The following RNLS variants were observed in gnomAD, a reference collection of about 807,000 sequenced individuals.
RNLS encodes the protein renalase.
RNLS carries 39 observed loss-of-function variants against 39.8 expected under a neutral mutation model. That is an observed-to-expected ratio of 0.98 (90% CI 0.76 to 1.28). The LOEUF (loss-of-function observed/expected upper bound fraction) is 1.28. Among genes scored for constraint, RNLS ranks in the 50% most tolerant of loss-of-function variants. The pLI is 0.00. For synonymous variants in RNLS, 147 were observed against 150.7 expected, an observed-to-expected ratio of 0.98 and a Z score of 0.18; for missense variants, 410 against 413.3, an observed-to-expected ratio of 0.99 and a Z score of 0.07.
chr10:88,408,867 G>T (rs1447069053), intron 4 of RNLS, among the ~76,000 whole-genome samples: 1 of 151,934 alleles, frequency 6.6e-6, no homozygotes, highest in South Asian at 2.1e-4. Flanking sequence ...GGTAAAATAC[G>T]ATTATTAGCA....
At chr10:88,207,850 G>T in the RNLS span, among the ~76,000 whole-genome samples, 1 of 152,110 alleles carries the variant, frequency 6.6e-6, no homozygotes, top group Non-Finnish European at 1.5e-5. Flanking sequence ...AAATTCCTGT[G>T]CTGATCTAGA....
intron 5 of RNLS, among the ~76,000 whole-genome samples, chr10:88,315,271 G>A (rs1845674449): frequency 6.6e-6 from 1 of 152,056 alleles, no homozygotes; most frequent in Non-Finnish European, 1.5e-5. Context: ...ATTTTTGTTT[G>A]CCATTGATTT....
the RNLS span, among the ~76,000 whole-genome samples, chr10:88,224,261 G>T: frequency 1.1e-3 from 165 of 152,252 alleles, no homozygotes; most frequent in African/African-American, 3.9e-3. Context: ...GTGTTTTCTT[G>T]CAGAGTTCTC....
At chr10:88,292,403 T>C (rs369263056) in intron 6 of RNLS, among the ~76,000 whole-genome samples, 3 of 151,960 alleles carry the variant, frequency 2.0e-5, no homozygotes, top group African/African-American at 4.8e-5. Context: ...AAGGAAAGCA[T>C]GTTTGTAGAT....
chr10:88,414,695 T>C (rs1468661992), intron 4 of RNLS, among the ~76,000 whole-genome samples: 1 of 152,196 alleles, frequency 6.6e-6, no homozygotes, highest in Non-Finnish European at 1.5e-5. Context: ...GAGTTGGAAG[T>C]ATTGTTAGTA....
chr10:88,534,671 T>C (rs1012070115), intron 4 of RNLS, among the ~76,000 whole-genome samples: 1 of 152,150 alleles, frequency 6.6e-6, no homozygotes, highest in African/African-American at 2.4e-5. Context: ...GATAACAGTA[T>C]AGTTCCTGGA....
chr10:88,185,392 A>G, the RNLS span, among the ~76,000 whole-genome samples: 92 of 152,064 alleles, frequency 6.1e-4, no homozygotes, highest in African/African-American at 2.0e-3. Context: ...TGTCCCTTTA[A>G]TGGTCTTTTT....
chr10:88,316,961 A>C (rs887152078), intron 5 of RNLS, among the ~76,000 whole-genome samples: 14 of 152,282 alleles, frequency 9.2e-5, no homozygotes, highest in Admixed American at 3.3e-4. Flanking sequence ...AACGTGATCA[A>C]AGTTTGAAAA....
At chr10:88,572,785 G>T in intron 4 of RNLS, 118 bp downstream of exon 4, 1 of 1,037,544 alleles carries the variant, frequency 9.6e-7, no homozygotes, top group Non-Finnish European at 1.4e-6. Context: ...CAGTTTTTAA[G>T]ACAGGCAAAT....
At chr10:88,232,791 C>G in the RNLS span, among the ~76,000 whole-genome samples, 2 of 152,214 alleles carry the variant, frequency 1.3e-5, no homozygotes, top group Non-Finnish European at 2.9e-5. Flanking sequence ...TGACAGCCTT[C>G]TAGAGTCTCT....
intron 6 of RNLS, among the ~76,000 whole-genome samples, chr10:88,294,373 A>G (rs371469932): frequency 3.7e-4 from 57 of 152,322 alleles, no homozygotes; most frequent in African/African-American, 1.1e-3. Flanking sequence ...CTACAGTGGA[A>G]CAATACTATT....
chr10:88,207,770 C>T, the RNLS span, among the ~76,000 whole-genome samples: 21 of 152,110 alleles, frequency 1.4e-4, no homozygotes, highest in Non-Finnish European at 1.0e-4. Flanking sequence ...TTCTAGGATA[C>T]CTGTTTGCTT....
At chr10:88,377,777 T>C (rs1851133850) in intron 4 of RNLS, among the ~76,000 whole-genome samples, 1 of 152,188 alleles carries the variant, frequency 6.6e-6, no homozygotes, top group Non-Finnish European at 1.5e-5. Flanking sequence ...ATATACACTG[T>C]ACACATAGGC....
At chr10:88,443,449 G>A (rs1841842034) in intron 4 of RNLS, among the ~76,000 whole-genome samples, 1 of 152,328 alleles carries the variant, frequency 6.6e-6, no homozygotes, top group Admixed American at 6.5e-5. Flanking sequence ...ATCTCACTGG[G>A]CTTGTCGGAC....
chr10:88,272,052 T>G (rs1842663193), downstream of RNLS, among the ~76,000 whole-genome samples: 1 of 152,200 alleles, frequency 6.6e-6, no homozygotes, highest in Admixed American at 6.5e-5. Context: ...ATATTCCCAG[T>G]GAGTCAAATT....
chr10:88,278,889 T>C (rs1461788123), intron 6 of RNLS, among the ~76,000 whole-genome samples: 1 of 152,218 alleles, frequency 6.6e-6, no homozygotes, highest in African/African-American at 2.4e-5. Context: ...TGGTACTTAC[T>C]AATATTAGAA....
At chr10:88,407,612 ATACT>A (rs1266940640) in intron 4 of RNLS, among the ~76,000 whole-genome samples, 2 of 152,108 alleles carry the variant, frequency 1.3e-5, no homozygotes, top group Admixed American at 6.6e-5. Flanking sequence ...AGGTCAAGAA[ATACT>A]TACTAGTACC....
chr10:88,340,902 A>T (rs1157508985), intron 5 of RNLS, among the ~76,000 whole-genome samples: 1 of 151,638 alleles, frequency 6.6e-6, no homozygotes, highest in Non-Finnish European at 1.5e-5. Context: ...TCTACTAAAA[A>T]TACAAAATTA....
chr10:88,583,068 C>A lies in RNLS; in HGVS notation c.118+5G>T. On this transcript the variant is annotated splice_donor_5th_base_variant and intron_variant, in intron 1 of 6. Coordinates refer to ENST00000331772, the MANE Select transcript of RNLS (RefSeq NM_001031709.3). ...TTCCCAGGTTTTGGCGTTTAGACAACCCACCTGAGTCCTCAGCCTTGTCCC... is the reference window on the plus strand; with the variant it reads ...TTCCCAGGTTTTGGCGTTTAGACAAACCACCTGAGTCCTCAGCCTTGTCCC... 1.2e-6 allele frequency: 2 copies of A among 1,609,948 alleles called. No individual in the cohort carries two copies. Among genetic ancestry groups the A allele is most frequent in the Non-Finnish European group, 1.7e-6 (2 of 1,177,552 alleles).
Sources: allele counts gnomAD v4.1 joint callset (sites outside exome capture counted in the v4.1 genomes callset), GRCh38; gene constraint gnomAD v4.1.1; transcripts MANE v1.5; gene names NCBI Gene and HGNC (gene_info 2026-07-23, HGNC 2026-07-21).